Variants in RAD51B observed in about 807,000 individuals in gnomAD.
RAD51B encodes DNA repair protein RAD51 homolog 2.
RAD51B carries 38 observed loss-of-function variants against 42.2 expected under a neutral mutation model. The ratio of observed to expected loss-of-function variants is 0.90; its 90% CI spans 0.70 to 1.18. The LOEUF is 1.18. Among genes scored for constraint, RAD51B ranks in the 50% most tolerant of loss-of-function variants. The probability of loss-of-function intolerance (pLI) is 0.00; values close to 1 mark genes in which losing one functional copy is unlikely to be tolerated. For synonymous variants in RAD51B, 154 were observed against 145.2 expected (o/e 1.06, Z -0.43); for missense variants, 373 against 400.7 (o/e 0.93, Z 0.59).
At chr14:67,938,891 A>C (rs1447004584) in intron 7 of RAD51B, among the ~76,000 whole-genome samples, 1 of 152,206 alleles carries the variant, frequency 6.6e-6, no homozygotes, top group African/African-American at 2.4e-5. Context: ...CTGATTTGCC[A>C]TCTAGGGAGA....
At chr14:67,893,491 C>CA (rs1566945218) in intron 7 of RAD51B, among the ~76,000 whole-genome samples, 27 of 76,788 alleles carry the variant, frequency 3.5e-4, no homozygotes, top group African/African-American at 1.9e-3. Flanking sequence ...CACACACACA[C>CA]ACACACACAC....
intron 7 of RAD51B, among the ~76,000 whole-genome samples, chr14:68,171,063 CCAAAGT>C (rs2078862364): frequency 6.6e-6 from 1 of 152,306 alleles, no homozygotes; most frequent in South Asian, 2.1e-4. Flanking sequence ...CATCAAGTGG[CCAAAGT>C]CTTGATTTTC....
At chr14:68,153,107 G>A (rs2078425245) in intron 7 of RAD51B, among the ~76,000 whole-genome samples, 2 of 151,964 alleles carry the variant, frequency 1.3e-5, no homozygotes, top group Non-Finnish European at 1.5e-5. Context: ...ATTCCTTTGG[G>A]TATATACCCA....
chr14:68,042,650 G>A (rs1229245326), intron 7 of RAD51B, among the ~76,000 whole-genome samples: 1 of 152,054 alleles, frequency 6.6e-6, no homozygotes, highest in East Asian at 1.9e-4. Flanking sequence ...GAGAAAAGGA[G>A]CGTCCCTCTT....
intron 7 of RAD51B, among the ~76,000 whole-genome samples, chr14:68,117,237 T>G (rs1250174730): frequency 3.3e-5 from 5 of 152,190 alleles, no homozygotes; most frequent in African/African-American, 1.2e-4. Context: ...TATTTTTTAT[T>G]TTTTGATTAT....
chr14:68,548,915 G>A (rs1888373136), intron 10 of RAD51B, among the ~76,000 whole-genome samples: 1 of 152,144 alleles, frequency 6.6e-6, no homozygotes, highest in African/African-American at 2.4e-5. Context: ...AGGGCCTTCT[G>A]CCAGGCACTC....
chr14:68,378,557 A>G (rs1277688279), intron 8 of RAD51B, among the ~76,000 whole-genome samples: 3 of 152,198 alleles, frequency 2.0e-5, no homozygotes, highest in Non-Finnish European at 4.4e-5. Flanking sequence ...ACCTATGCAC[A>G]TCCTCCCATA....
chr14:67,904,729 CTGTT>C (rs2043726917), intron 7 of RAD51B, among the ~76,000 whole-genome samples: 2 of 151,840 alleles, frequency 1.3e-5, no homozygotes, highest in South Asian at 4.2e-4. Flanking sequence ...TGAGAAATGT[CTGTT>C]TATGTCCTTT....
At chr14:68,442,435 C>CTTTGTT (rs2085321034) in intron 9 of RAD51B, among the ~76,000 whole-genome samples, 1 of 68,404 alleles carries the variant, frequency 1.5e-5, no homozygotes, top group Non-Finnish European at 2.6e-5. Flanking sequence ...AGGCATTGTG[C>CTTTGTT]TTTTTTTTTT....
At chr14:68,541,814 GTCTA>G in intron 10 of RAD51B, 3 of 985,344 alleles carry the variant, frequency 3.0e-6, no homozygotes, top group Non-Finnish European at 3.6e-6. Context: ...CTCTGCAAGA[GTCTA>G]TCTTTTACAA....
Position 68,478,033 on chromosome 14 carries a change from T to C in RAD51B, c.*369T>C, listed in dbSNP as rs1882858294. Reference sequence around the variant, plus strand: ...AATCCTCCTGGGGAGAGGAGGAGGATGACTAACAAGATTTGTAATTACAGG... The same window carrying C: ...AATCCTCCTGGGGAGAGGAGGAGGACGACTAACAAGATTTGTAATTACAGG... On this transcript the variant is annotated 3_prime_UTR_variant, in exon 11 of 11. Transcript: ENST00000471583. The C allele has an allele frequency of 9.2e-7, 1 of 1,086,194 alleles. No homozygotes were observed. The highest frequency in any genetic ancestry group is 4.5e-5 in the South Asian group (1 of 22,462). The allele number at this position is 1,086,194 out of a possible 1,614,324, so 67.3% of individuals were successfully genotyped here. A position where few individuals can be genotyped will look rare whatever the true frequency, so the allele number is the denominator to read the frequency against.
At chr14:68,292,177 A>C (rs34863255) in intron 8 of RAD51B, among the ~76,000 whole-genome samples, 197 bp downstream of exon 8, 2 of 152,262 alleles carry the variant, frequency 1.3e-5, no homozygotes, top group Non-Finnish European at 2.9e-5. Flanking sequence ...CCCTGCCTCT[A>C]TAAGGGAGCT....
chr14:67,979,223 T>A (rs1020150918), intron 7 of RAD51B, among the ~76,000 whole-genome samples: 27 of 152,226 alleles, frequency 1.8e-4, no homozygotes, highest in Non-Finnish European at 2.8e-4. Context: ...AGTAAATTTT[T>A]AAAAATGCAA....
At chr14:68,072,063 T>TA (rs1566622781) in intron 7 of RAD51B, among the ~76,000 whole-genome samples, 4 of 90,672 alleles carry the variant, frequency 4.4e-5, no homozygotes, top group African/African-American at 2.3e-4. Context: ...TTATATATAT[T>TA]TATATAAATA....
At chr14:68,289,071 G>C (rs1431489608) in intron 7 of RAD51B, among the ~76,000 whole-genome samples, 1 of 152,112 alleles carries the variant, frequency 6.6e-6, no homozygotes, top group East Asian at 1.9e-4. Context: ...ACTAAAATAG[G>C]TAGAAATGAT....
chr14:67,936,385 A>G (rs745437923), intron 7 of RAD51B, among the ~76,000 whole-genome samples: 18 of 152,330 alleles, frequency 1.2e-4, no homozygotes, highest in Non-Finnish European at 2.2e-4. Context: ...CATATAGCAT[A>G]AAGTTTTCAA....
At chr14:67,864,883 C>T in intron 4 of RAD51B, 120 bp from the exon 5 acceptor site, 1 of 1,389,242 alleles carries the variant, frequency 7.2e-7, no homozygotes, top group Non-Finnish European at 9.8e-7. Flanking sequence ...CCTGGGAACC[C>T]AGGTTAGTTG....
intron 10 of RAD51B, among the ~76,000 whole-genome samples, chr14:68,506,275 T>A (rs1227851704): frequency 6.6e-6 from 1 of 152,178 alleles, no homozygotes; most frequent in Non-Finnish European, 1.5e-5. Context: ...CAGTGCACAT[T>A]AGCGAGTGAA....
intron 9 of RAD51B, among the ~76,000 whole-genome samples, chr14:68,430,382 A>G (rs562504890): frequency 5.3e-5 from 8 of 152,338 alleles, no homozygotes; most frequent in African/African-American, 1.9e-4. Context: ...ATCCATGAGC[A>G]TGGAATGTTC....
Sources: gnomAD v4.1 joint callset for allele counts (sites outside exome capture counted in the v4.1 genomes callset) on GRCh38, gnomAD v4.1.1 for gene constraint, MANE v1.5 for transcripts, NCBI Gene and HGNC (gene_info 2026-07-23, HGNC 2026-07-21) for gene names.